Variants in CNTNAP2 observed in about 807,000 individuals in gnomAD.
CNTNAP2 encodes contactin associated protein 2, also known as contactin-associated protein-like 2.
A neutral mutation model predicts 155.2 loss-of-function variants in CNTNAP2; 98 were observed. The ratio of observed to expected loss-of-function variants is 0.63; its 90% CI spans 0.54 to 0.75. CNTNAP2 has a LOEUF of 0.75. CNTNAP2 is among the 30% of genes least tolerant of loss of function. The pLI, the probability that CNTNAP2 is intolerant of heterozygous loss-of-function variation, is 0.00. For missense variants in CNTNAP2, 1,727 were observed against 1,688.1 expected, an observed-to-expected ratio of 1.02 and a Z score of -0.40; for synonymous variants, 651 against 631.2, an observed-to-expected ratio of 1.03 and a Z score of -0.47.
chr7:148,267,155 G>A (rs1207219737), intron 21 of CNTNAP2, 29 bp downstream of exon 21: 1 of 1,555,766 alleles, frequency 6.4e-7, no homozygotes, highest in Non-Finnish European at 8.9e-7. Flanking sequence ...AGGTATAAAT[G>A]CGTGCTACAA....
At chr7:148,247,428 C>T (rs777110198) in intron 20 of CNTNAP2, among the ~76,000 whole-genome samples, 2 of 152,064 alleles carry the variant, frequency 1.3e-5, no homozygotes, top group Non-Finnish European at 2.9e-5. Flanking sequence ...TCTCTGTCTT[C>T]GTTCTCTACT....
At chr7:146,598,878 C>T (rs1012002633) in intron 1 of CNTNAP2, among the ~76,000 whole-genome samples, 3 of 152,070 alleles carry the variant, frequency 2.0e-5, no homozygotes, top group African/African-American at 7.2e-5. Flanking sequence ...ATTTTCTCCA[C>T]TTCAGTGATG....
chr7:147,163,272 T>C (rs1802061857), intron 8 of CNTNAP2, among the ~76,000 whole-genome samples: 1 of 152,020 alleles, frequency 6.6e-6, no homozygotes, highest in Admixed American at 6.6e-5. Context: ...ACAACAACAA[T>C]ATCTTAACTG....
chr7:147,491,248 A>G (rs1407267284), intron 11 of CNTNAP2, among the ~76,000 whole-genome samples: 1 of 152,020 alleles, frequency 6.6e-6, no homozygotes, highest in Non-Finnish European at 1.5e-5. Flanking sequence ...TCTCCCCTTC[A>G]ATGCACTGGC....
intron 18 of CNTNAP2, among the ~76,000 whole-genome samples, chr7:148,213,255 C>A (rs1795579379): frequency 6.6e-6 from 1 of 152,174 alleles, no homozygotes; most frequent in Non-Finnish European, 1.5e-5. Flanking sequence ...TGGGGACCAG[C>A]ATTTTAACAG....
chr7:146,777,900 G>A (rs1802417891), intron 2 of CNTNAP2, among the ~76,000 whole-genome samples: 1 of 129,506 alleles, frequency 7.7e-6, no homozygotes, highest in South Asian at 2.5e-4. Context: ...TGAGAGAAAA[G>A]AGATTTTTTT....
chr7:147,601,654 T>A (rs866959979), intron 12 of CNTNAP2, among the ~76,000 whole-genome samples: 55,390 of 132,254 alleles, frequency 0.42, 11,640 homozygotes, highest in African/African-American at 0.44. Flanking sequence ...AATATATATA[T>A]ATATATATAT....
At chr7:146,573,410 G>A (rs1156444551) in intron 1 of CNTNAP2, among the ~76,000 whole-genome samples, 1 of 152,134 alleles carries the variant, frequency 6.6e-6, no homozygotes, top group East Asian at 1.9e-4. Context: ...CAAAGTGCTA[G>A]CATTACAGGT....
In CNTNAP2 at chr7:147,155,921, C is replaced by T. The variant is rs1584760808; in HGVS notation, c.1348+23412C>T. Reference sequence around the variant, plus strand: ...GTGCCTGCCATGTGTGCTAATATATCTCAGAGTGTGGGAAAAATCTGGAAA... The same window carrying T: ...GTGCCTGCCATGTGTGCTAATATATTTCAGAGTGTGGGAAAAATCTGGAAA... On this transcript the variant is annotated intron_variant, in intron 8 of 23. Coordinates refer to ENST00000361727, the MANE Select transcript of CNTNAP2 (RefSeq NM_014141.6). Among the ~76,000 whole-genome samples the T allele has an allele frequency of 2.0e-5, 3 of 152,086 alleles. No homozygotes were observed. The South Asian group carries it at 6.2e-4, about 31-fold the overall frequency.
intron 15 of CNTNAP2, among the ~76,000 whole-genome samples, chr7:148,018,438 G>T (rs1453519505): frequency 6.6e-6 from 1 of 152,120 alleles, no homozygotes; most frequent in Non-Finnish European, 1.5e-5. Context: ...GCATGTTGTT[G>T]GTTGAATGTT....
intron 2 of CNTNAP2, among the ~76,000 whole-genome samples, chr7:146,817,036 T>C (rs528641528): frequency 1.1e-4 from 16 of 152,246 alleles, no homozygotes; most frequent in African/African-American, 3.1e-4. Context: ...GATGAAAATC[T>C]CACAGAAAAT....
At position 147,678,684 on chromosome 7, in the gene CNTNAP2, G is replaced by A. The variant is rs539153861; in HGVS notation, c.2098+39378G>A. Among the ~76,000 whole-genome samples the A allele has an allele frequency of 3.9e-5, 6 of 151,984 alleles. No individual in the cohort carries two copies. In the East Asian group the frequency reaches 1.2e-3, roughly 29 times the overall value. On this transcript the variant is annotated intron_variant, in intron 13 of 23. Transcript: ENST00000361727. The stretch of plus-strand genomic sequence containing the variant: ...TTATAATTTGCATTTTAATTTTACT[G>A]TCTTCACAACCACGAAAGCATATTT...
chr7:148,135,794 A>G (rs571298434), intron 16 of CNTNAP2, among the ~76,000 whole-genome samples: 15 of 130,770 alleles, frequency 1.1e-4, no homozygotes, highest in Non-Finnish European at 2.4e-4. Flanking sequence ...GGTTGCAGTG[A>G]GCCAAGATAG....
intron 15 of CNTNAP2, among the ~76,000 whole-genome samples, chr7:148,030,669 C>CTTTT (rs34338936): frequency 3.1e-5 from 4 of 129,546 alleles, no homozygotes; most frequent in African/African-American, 8.8e-5. Context: ...TTATCCAGCT[C>CTTTT]TTTTTTTTTT....
intron 1 of CNTNAP2, among the ~76,000 whole-genome samples, chr7:146,362,307 A>G (rs891658498): frequency 6.6e-6 from 1 of 152,216 alleles, no homozygotes; most frequent in African/African-American, 2.4e-5. Flanking sequence ...AAAGCTACAC[A>G]CATAAATTAT....
intron 1 of CNTNAP2, among the ~76,000 whole-genome samples, chr7:146,369,942 C>T (rs1354855815): frequency 3.3e-5 from 5 of 151,954 alleles, no homozygotes; most frequent in African/African-American, 7.2e-5. Flanking sequence ...AAAAGTTTAT[C>T]CTAAACAAAG....
chr7:147,655,403 G>A (rs1014031771), intron 13 of CNTNAP2, among the ~76,000 whole-genome samples: 31 of 152,288 alleles, frequency 2.0e-4, no homozygotes, highest in African/African-American at 7.0e-4. Context: ...GATTACAGGC[G>A]TGAGCCACCG....
At chr7:147,516,273 G>A (rs1799124966) in intron 11 of CNTNAP2, among the ~76,000 whole-genome samples, 1 of 152,020 alleles carries the variant, frequency 6.6e-6, no homozygotes, top group African/African-American at 2.4e-5. Flanking sequence ...CAAAAAAATA[G>A]ACAAAATTAC....
At chr7:147,576,118 C>A (rs202220875) in intron 12 of CNTNAP2, among the ~76,000 whole-genome samples, 3 of 136,852 alleles carry the variant, frequency 2.2e-5, no homozygotes. Flanking sequence ...AAATTTTTTT[C>A]TTCTCTCTAT....
Sources: allele counts gnomAD v4.1 joint callset (sites outside exome capture counted in the v4.1 genomes callset), GRCh38; gene constraint gnomAD v4.1.1; transcripts MANE v1.5; gene names NCBI Gene and HGNC (gene_info 2026-07-23, HGNC 2026-07-21).